ZNF366: variants seen among roughly 807,000 people sequenced by gnomAD.
The protein encoded by ZNF366 is dendritic cell-specific transcript protein.
ZNF366 carries 20 observed loss-of-function variants against 47.2 expected under a neutral mutation model. The observed-to-expected ratio is 0.42, with a 90% CI of 0.30 to 0.62. The LOEUF (loss-of-function observed/expected upper bound fraction) is 0.62. Among genes scored for constraint, ZNF366 ranks in the 20% least tolerant of loss-of-function variants. The probability of loss-of-function intolerance (pLI) is 0.16; values close to 1 mark genes in which losing one functional copy is unlikely to be tolerated. For synonymous variants in ZNF366, 421 were observed against 395.1 expected, an observed-to-expected ratio of 1.07 and a Z score of -0.78; for missense variants, 987 against 976.3, an observed-to-expected ratio of 1.01 and a Z score of -0.15.
intron 1 of ZNF366, among the ~76,000 whole-genome samples, chr5:72,479,303 C>T (rs1300279906): frequency 6.6e-6 from 1 of 152,104 alleles, no homozygotes; most frequent in African/African-American, 2.4e-5. Context: ...TGGCTTACAC[C>T]TGTAATCCCA....
chr5:72,444,373 C>T, intron 4 of ZNF366, 82 bp from the exon 5 acceptor site: 4 of 1,454,980 alleles, frequency 2.7e-6, no homozygotes, highest in Admixed American at 2.2e-5. Context: ...AGCCCGGGGC[C>T]GTTTAATGTA....
rs536589056 is a variant in ZNF366 at position 72,507,034 on chromosome 5, A to G, written c.-15+217T>C. 1.1e-4 allele frequency among the ~76,000 whole-genome samples: 16 copies of G among 152,296 alleles called. No homozygotes were observed. The East Asian group carries it at 1.7e-3, about 17-fold the overall frequency. On this transcript the variant is annotated intron_variant, in intron 1 of 4. Transcript: ENST00000318442. The stretch of plus-strand genomic sequence containing the variant: ...TAACGCAGTGTCCTCTTTAGTCCCA[A>G]TGTAATTCTATTTCTAGTTTTGCCA...
chr5:72,463,189 C>A (rs549411556), intron 1 of ZNF366, among the ~76,000 whole-genome samples: 4 of 152,336 alleles, frequency 2.6e-5, no homozygotes, highest in African/African-American at 9.6e-5. Flanking sequence ...TCGGATACAG[C>A]TTTTACAATG....
At chr5:72,450,527 A>G (rs1743045813) in intron 3 of ZNF366, among the ~76,000 whole-genome samples, 1 of 152,218 alleles carries the variant, frequency 6.6e-6, no homozygotes, top group Non-Finnish European at 1.5e-5. Flanking sequence ...TCAGAGAAAT[A>G]TCATTACTTC....
At chr5:72,456,279 T>C in intron 3 of ZNF366, 125 bp downstream of exon 3, 1 of 996,116 alleles carries the variant, frequency 1.0e-6, no homozygotes, top group Non-Finnish European at 1.5e-6. Context: ...GACCTGGGGT[T>C]GGCCACGGAC....
chr5:72,500,274 T>A (rs1234142140), intron 1 of ZNF366, among the ~76,000 whole-genome samples: 1 of 152,182 alleles, frequency 6.6e-6, no homozygotes, highest in Non-Finnish European at 1.5e-5. Flanking sequence ...GTTTTAAATG[T>A]TTTTTTCAAG....
intron 2 of ZNF366, among the ~76,000 whole-genome samples, chr5:72,457,927 T>C (rs1743222586): frequency 6.6e-6 from 1 of 152,092 alleles, no homozygotes; most frequent in African/African-American, 2.4e-5. Flanking sequence ...TAAAATGTAG[T>C]GCATATTCAA....
intron 1 of ZNF366, 75 bp from the exon 2 acceptor site, chr5:72,461,585 T>G (rs1743314831): frequency 6.7e-7 from 1 of 1,489,948 alleles, no homozygotes; most frequent in African/African-American, 1.4e-5. Context: ...GGATTATGGC[T>G]ATTTATCAGT....
chr5:72,461,648 G>C, intron 1 of ZNF366, 138 bp from the exon 2 acceptor site: 1 of 1,215,366 alleles, frequency 8.2e-7, no homozygotes, highest in South Asian at 1.6e-5. Context: ...TTTATCCTAG[G>C]GCTGTTCAAA....
In ZNF366 at chr5:72,495,545, T is replaced by C. The variant is rs142903007; in HGVS notation, c.-15+11706A>G. 6.6e-5 allele frequency among the ~76,000 whole-genome samples: 10 copies of C among 152,272 alleles called. No individual in the cohort carries two copies. In the East Asian group the frequency reaches 1.9e-3, roughly 29 times the overall value. ...CCATGGTTGACATATTTTACATATT[T>C]GACAAGAGAACATGGTCCCAATAAA... On this transcript the variant is annotated intron_variant, in intron 1 of 4. Transcript: ENST00000318442.
At chr5:72,498,140 T>A (rs1402963136) in intron 1 of ZNF366, among the ~76,000 whole-genome samples, 2 of 152,072 alleles carry the variant, frequency 1.3e-5, no homozygotes, top group Non-Finnish European at 2.9e-5. Flanking sequence ...GAAAAAAAAA[T>A]ATCTCTACAG....
chr5:72,485,732 C>G (rs1371886205), intron 1 of ZNF366, among the ~76,000 whole-genome samples: 1 of 152,196 alleles, frequency 6.6e-6, no homozygotes, highest in African/African-American at 2.4e-5. Flanking sequence ...AGAGTAAAAG[C>G]CACAGTCCGC....
intron 1 of ZNF366, among the ~76,000 whole-genome samples, chr5:72,476,571 G>A (rs528752940): frequency 6.6e-6 from 1 of 152,268 alleles, no homozygotes; most frequent in Admixed American, 6.5e-5. Flanking sequence ...ATGGTGGGGT[G>A]TTGGAGGTGT....
chr5:72,461,065 G>C lies in ZNF366; in HGVS notation c.432C>G (p.His144Gln). ...CCTGCTTGACGGGCTTGCCCCCAAA[G>C]TGTTCCAGGCTGCGGTAGAATTGGA... is the stretch of plus-strand genomic sequence containing the variant. ...VGFQFYRSLE[H>Q]FGGKPVKQEP... The change falls in exon 2 of 5, where the codon CAC (histidine) becomes CAG (glutamine). Residue 144 changes from histidine (H) to glutamine (Q), a missense_variant. Around this residue, in one of 3 missense-constraint regions of ZNF366, gnomAD observed 591 missense variants for 560.9 expected, o/e 1.05. Coordinates refer to ENST00000318442, the MANE Select transcript of ZNF366 (RefSeq NM_152625.3). The C allele has an allele frequency of 1.2e-6, 2 of 1,614,194 alleles. No individual in the cohort carries two copies. Among genetic ancestry groups the C allele is most frequent in the Non-Finnish European group, 1.7e-6 (2 of 1,180,036 alleles).
intron 4 of ZNF366, among the ~76,000 whole-genome samples, chr5:72,446,456 A>G (rs1469828287): frequency 2.0e-5 from 3 of 152,192 alleles, no homozygotes. Flanking sequence ...CTGTTTATTG[A>G]AGGGCTGGTT....
At chr5:72,495,391 C>T (rs1744093440) in intron 1 of ZNF366, among the ~76,000 whole-genome samples, 1 of 152,136 alleles carries the variant, frequency 6.6e-6, no homozygotes, top group Non-Finnish European at 1.5e-5. Flanking sequence ...GTGAACTCCC[C>T]ATGGTCATGC....
chr5:72,464,741 A>T (rs1374188814), intron 1 of ZNF366, among the ~76,000 whole-genome samples: 2 of 152,224 alleles, frequency 1.3e-5, no homozygotes, highest in African/African-American at 2.4e-5. Flanking sequence ...CTAGAATAAA[A>T]TCAGAAACCC....
rs140439481 is a variant in ZNF366, at chr5:72,460,953, G to T, written c.544C>A (p.Pro182Thr). The T allele has an allele frequency of 6.2e-7, 1 of 1,612,534 alleles. No individual in the cohort carries two copies. Among genetic ancestry groups the T allele is most frequent in the East Asian group, 2.2e-5 (1 of 44,810 alleles). ...TPYPYYPKVH[P>T]GLMFPFFVPS... is the part of the protein sequence containing the mutation. Reference sequence around the variant, plus strand: ...ACGAAGAAGGGGAACATGAGGCCCGGGTGGACTTTGGGGTAGTAGGGGTAG... The same window carrying T: ...ACGAAGAAGGGGAACATGAGGCCCGTGTGGACTTTGGGGTAGTAGGGGTAG... Residue 182 changes from proline (P) to threonine (T), a missense_variant, in exon 2 of 5, where the codon CCG (proline) becomes ACG (threonine). Pro to Thr is a conservative substitution (Grantham distance 38, BLOSUM62 -1). This residue lies in a region of ZNF366 where 591 missense variants were observed against 560.9 expected (regional missense o/e 1.05). Coordinates refer to ENST00000318442, the MANE Select transcript of ZNF366 (RefSeq NM_152625.3).
chr5:72,456,379 G>T (rs532029909), intron 3 of ZNF366, 25 bp downstream of exon 3: 10 of 1,576,852 alleles, frequency 6.3e-6, no homozygotes, highest in South Asian at 5.8e-5. Context: ...CAACCCTCTG[G>T]TTCCTCTCTA....
Sources: allele counts gnomAD v4.1 joint callset (sites outside exome capture counted in the v4.1 genomes callset), GRCh38; gene constraint gnomAD v4.1.1; regional missense constraint gnomAD v4.1.1; transcripts MANE v1.5; gene names NCBI Gene and HGNC (gene_info 2026-07-23, HGNC 2026-07-21).